KIF15: variants seen among roughly 807,000 people sequenced by gnomAD.
The protein encoded by KIF15 is kinesin-like protein KIF15.
KIF15 carries 140 observed loss-of-function variants against 190.6 expected under a neutral mutation model. The ratio of observed to expected loss-of-function variants is 0.73; its 90% confidence interval spans 0.64 to 0.84. The LOEUF (loss-of-function observed/expected upper bound fraction) is 0.84, where lower values mean the gene tolerates loss of function less well. Ranked by LOEUF, KIF15 falls within the 40% of genes least tolerant of loss-of-function variation. KIF15 has a pLI of 0.00. For missense variants in KIF15, 1,372 were observed against 1,584.4 expected (o/e 0.87, Z 2.28); for synonymous variants, 528 against 551.3 (o/e 0.96, Z 0.59).
chr3:44,813,023 A>C, intron 18 of KIF15, 52 bp from the exon 19 acceptor site: 1 of 1,081,596 alleles, frequency 9.2e-7, no homozygotes, highest in Non-Finnish European at 1.4e-6. Context: ...TTTGGAGTGC[A>C]TCTTAGCATG....
Position 44,852,300 on chromosome 3 carries a change from C to A in KIF15, c.4065C>A (p.Tyr1355Ter). The A allele has an allele frequency of 1.2e-6, 2 of 1,612,264 alleles. No individual in the cohort carries two copies. Among genetic ancestry groups the A allele is most frequent in the South Asian group, 2.2e-5 (2 of 90,864 alleles). The change falls in exon 34 of 35, where the codon TAC (tyrosine) becomes TAA (stop). Residue 1355 changes from tyrosine to a stop codon, truncating the protein, a stop_gained. Transcript: ENST00000326047. LOFTEE classifies it high-confidence loss of function. ...GHQNLHQKIQ[Y>*]VVRLKKENVR... ...AAAATTTGCATCAGAAGATTCAGTA[C>A]GTAGTGCGACTAAAGAAGGAAAATG...
chr3:44,827,883 CATGTTGCCCAGG>C (rs1274756393), intron 23 of KIF15, among the ~76,000 whole-genome samples: 1 of 152,050 alleles, frequency 6.6e-6, no homozygotes, highest in Non-Finnish European at 1.5e-5. Context: ...GGGGTTTCAC[CATGTTGCCCAGG>C]ATCGAACTCC....
chr3:44,826,431 G>A lies in KIF15; in HGVS notation c.2757G>A (p.Gln919=). ...AACGCAATAACAAATTATCATTACA[G>A]TTTGAAGAAGATAAAGAAAACAGTT... ...EKERNNKLSL[Q]FEEDKENSSK... Residue 919 remains glutamine, a synonymous_variant, in exon 22 of 35, where the codon CAG becomes CAA. Transcript: ENST00000326047. 2 of 1,612,270 alleles carry A rather than the reference G, an allele frequency of 1.2e-6. No homozygotes were observed. The highest frequency in any genetic ancestry group is 1.1e-5 in the South Asian group (1 of 90,778).
intron 7 of KIF15, among the ~76,000 whole-genome samples, chr3:44,789,642 TTATATATATATATATATATATA>T (rs56009369): frequency 0.36 from 40,929 of 113,672 alleles, 8,107 homozygotes; most frequent in East Asian, 0.7. Flanking sequence ...TTGTCTAATT[TTATATATATATATATATATATA>T]TATATATATA....
chr3:44,790,465 A>G (rs1334539947), intron 7 of KIF15, among the ~76,000 whole-genome samples: 2 of 152,178 alleles, frequency 1.3e-5, no homozygotes, highest in Admixed American at 6.5e-5. Flanking sequence ...ATAACACTGA[A>G]TGAAGTGAAA....
intron 7 of KIF15, among the ~76,000 whole-genome samples, chr3:44,789,752 C>A (rs564402830): frequency 5.4e-5 from 8 of 147,436 alleles, no homozygotes; most frequent in African/African-American, 2.0e-4. Flanking sequence ...CTTATAGGTT[C>A]TTGGAAACTG....
At chr3:44,795,250 A>G (rs1706919612) in intron 8 of KIF15, among the ~76,000 whole-genome samples, 1 of 152,144 alleles carries the variant, frequency 6.6e-6, no homozygotes, top group Non-Finnish European at 1.5e-5. Flanking sequence ...CTTGTGAAGG[A>G]TTTCGGTAGG....
At chr3:44,789,993 G>A (rs1706606024) in intron 7 of KIF15, among the ~76,000 whole-genome samples, 2 of 152,214 alleles carry the variant, frequency 1.3e-5, no homozygotes, top group African/African-American at 4.8e-5. Context: ...TGGTGGATAA[G>A]TGAGTGATGG....
At chr3:44,785,808 A>C (rs1706374924) in intron 6 of KIF15, among the ~76,000 whole-genome samples, 1 of 152,198 alleles carries the variant, frequency 6.6e-6, no homozygotes, top group Non-Finnish European at 1.5e-5. Flanking sequence ...CAAAAATGGA[A>C]TTTCCCAACT....
At chr3:44,784,388 T>G (rs1706312569) in intron 5 of KIF15, among the ~76,000 whole-genome samples, 2 of 151,960 alleles carry the variant, frequency 1.3e-5, no homozygotes, top group African/African-American at 4.8e-5. Context: ...GTGATCTCGA[T>G]CTCCTGAACT....
chr3:44,865,015 C>T (rs372536620), intron 6 of KIF15: 20 of 1,612,956 alleles, frequency 1.2e-5, no homozygotes, highest in African/African-American at 2.7e-5. Flanking sequence ...AAGTTGAGTC[C>T]CTCACAGCTA....
intron 1 of KIF15, among the ~76,000 whole-genome samples, chr3:44,767,332 T>C (rs965053925): frequency 2.6e-5 from 4 of 152,160 alleles, no homozygotes; most frequent in Non-Finnish European, 4.4e-5. Flanking sequence ...TGGCAGTGGA[T>C]TTGGCAAGAA....
intron 16 of KIF15, among the ~76,000 whole-genome samples, chr3:44,806,619 G>A (rs1012742396): frequency 6.6e-6 from 1 of 152,152 alleles, no homozygotes; most frequent in Admixed American, 6.5e-5. Context: ...TTTTTTGAAG[G>A]TTAAAAAATT....
chr3:44,827,336 A>G, intron 22 of KIF15, 123 bp from the exon 23 acceptor site: 1 of 665,716 alleles, frequency 1.5e-6, no homozygotes, highest in African/African-American at 1.8e-5. Context: ...CCGGAAGGTA[A>G]TGCCTGACAC....
chr3:44,785,168 A>G (rs1049141326), intron 6 of KIF15, among the ~76,000 whole-genome samples: 2 of 152,210 alleles, frequency 1.3e-5, no homozygotes, highest in African/African-American at 4.8e-5. Context: ...ATTATCCTTT[A>G]TCCCAAATTG....
intron 1 of KIF15, among the ~76,000 whole-genome samples, chr3:44,773,669 T>G (rs1463378003): frequency 6.6e-6 from 1 of 152,182 alleles, no homozygotes; most frequent in Non-Finnish European, 1.5e-5. Flanking sequence ...TTTCCTCTAT[T>G]CTCAGAAGAA....
Position 44,761,829 on chromosome 3 carries a change from G to A in KIF15, c.-37G>A. 1.9e-6 allele frequency: 3 copies of A among 1,614,130 alleles called. No homozygotes were observed. Among genetic ancestry groups the A allele is most frequent in the Non-Finnish European group, 2.5e-6 (3 of 1,180,006 alleles). On this transcript the variant is annotated 5_prime_UTR_variant, in exon 1 of 35. Coordinates refer to ENST00000326047, the MANE Select transcript of KIF15 (RefSeq NM_020242.3). ...GGTGCAGTCGGGAGGTGGAGGCACC[G>A]GCTGCATTGTTTTCGGGATCGAGGG...
rs911479332 is a variant in KIF15 at position 44,843,146 on chromosome 3, A to G, written c.3607A>G (p.Asn1203Asp). The change falls in exon 30 of 35, where the codon AAC (asparagine) becomes GAC (aspartate). Residue 1203 changes from asparagine to aspartate, a missense_variant. Coordinates refer to ENST00000326047, the MANE Select transcript of KIF15 (RefSeq NM_020242.3). ...TTAGGAGCAGTTGCGTGAAATGGAAAACCTACGCCTGGAAAGTCAGCAGTT... is the reference window on the plus strand; with the variant it reads ...TTAGGAGCAGTTGCGTGAAATGGAAGACCTACGCCTGGAAAGTCAGCAGTT... The part of the protein sequence containing the change: ...RMKEQLREME[N>D]LRLESQQLIE... 7 of 1,612,982 alleles carry G rather than the reference A, an allele frequency of 4.3e-6. No individual in the cohort carries two copies. The highest frequency in any genetic ancestry group is 5.9e-6 in the Non-Finnish European group (7 of 1,179,454).
chr3:44,830,148 A>C (rs759944191), intron 25 of KIF15, 73 bp downstream of exon 25: 27 of 647,782 alleles, frequency 4.2e-5, no homozygotes, highest in Non-Finnish European at 6.2e-5. Context: ...AGTTTAACAG[A>C]TGCTCCACCA....
Sources: gnomAD v4.1 joint callset for allele counts (sites outside exome capture counted in the v4.1 genomes callset) on GRCh38, gnomAD v4.1.1 for gene constraint, MANE v1.5 for transcripts, NCBI Gene and HGNC (gene_info 2026-07-23, HGNC 2026-07-21) for gene names.